Variants in SEMA4D observed in about 807,000 individuals in gnomAD.
The protein encoded by SEMA4D is semaphorin-4D.
A neutral mutation model predicts 74.8 loss-of-function variants in SEMA4D; 22 were observed. That is an observed-to-expected ratio of 0.29 (90% confidence interval 0.21 to 0.42). SEMA4D has a LOEUF of 0.42. SEMA4D is among the 10% of genes least tolerant of loss of function. SEMA4D has a pLI of 1.00. For missense variants in SEMA4D, 937 were observed against 1,118.4 expected (o/e 0.84, Z 2.31); for synonymous variants, 445 against 463.7 (o/e 0.96, Z 0.52).
At position 89,455,934 on chromosome 9, in the gene SEMA4D, C is replaced by A. The variant is rs749613245; in HGVS notation, c.-290G>T. The A allele has an allele frequency of 1.3e-5, 2 of 152,264 alleles. No individual in the cohort carries two copies. The highest frequency in any genetic ancestry group is 2.9e-5 in the Non-Finnish European group (2 of 68,044). 9.4% of individuals were successfully genotyped at this position (152,264 alleles called of 1,614,324 possible). ...CATTTCAGCACATGGTTTCTTTCCA[C>A]TATCTGGTGTTAGCAGAGTCTGAAA... On this transcript the variant is annotated 5_prime_UTR_variant, in exon 2 of 16. Transcript: ENST00000422704.
At chr9:89,393,130 A>G (rs1031417244) in intron 7 of SEMA4D, among the ~76,000 whole-genome samples, 26 of 152,288 alleles carry the variant, frequency 1.7e-4, no homozygotes, top group Middle Eastern at 3.4e-3. Flanking sequence ...GCTGCATTTT[A>G]AGAGTCATGG....
intron 2 of SEMA4D, among the ~76,000 whole-genome samples, chr9:89,436,952 C>T (rs1191842588): frequency 6.6e-6 from 1 of 152,246 alleles, no homozygotes; most frequent in Non-Finnish European, 1.5e-5. Flanking sequence ...GCAGATGTAG[C>T]CCTGGGCAAG....
In SEMA4D at chr9:89,484,368, C is replaced by T. The variant is rs956173914; in HGVS notation, c.-310+13551G>A. On this transcript the variant is annotated intron_variant, in intron 1 of 15. Coordinates refer to ENST00000422704, the MANE Select transcript of SEMA4D (RefSeq NM_001371194.2). This position sits in a 1 kb window ranked among gnomAD's most constrained non-coding sequence, Gnocchi z 4.1. ...TGTGTGTGCTGTGTGTGCTGCGGCA[C>T]GTGCAGCATATGACTGTGTGGTGTT... 5.9e-5 allele frequency among the ~76,000 whole-genome samples: 9 copies of T among 152,124 alleles called. No individual in the cohort carries two copies. Among genetic ancestry groups the T allele is most frequent in the Non-Finnish European group, 1.2e-4 (8 of 68,018 alleles).
chr9:89,391,164 G>A, intron 9 of SEMA4D, 100 bp downstream of exon 9: 1 of 1,191,250 alleles, frequency 8.4e-7, no homozygotes, highest in Non-Finnish European at 1.2e-6. Flanking sequence ...TAAAGTGCTA[G>A]GGAAAGTGAC....
rs1372309489 is a variant in SEMA4D, at chr9:89,450,687, A to AAAAAAAAAAAG, written c.-244+5200_-244+5201insCTTTTTTTTTT. 11 of 982,468 alleles carry AAAAAAAAAAAG rather than the reference A, an allele frequency of 1.1e-5. No homozygotes were observed. The African/African-American group carries it at 1.8e-4, about 16-fold the overall frequency. The allele number at this position is 982,468 out of a possible 1,614,324, so 60.9% of individuals were successfully genotyped here. The stretch of plus-strand genomic sequence containing the variant: ...AAAAAAAAAAAAAAAAAAAAAAAAA[A>AAAAAAAAAAAG]GGCCTCCAAGACTGCAGAGAATGCC... On this transcript the variant is annotated intron_variant, in intron 2 of 15. Coordinates refer to ENST00000422704, the MANE Select transcript of SEMA4D (RefSeq NM_001371194.2).
At chr9:89,395,430 A>AC (rs1840747999) in intron 6 of SEMA4D, among the ~76,000 whole-genome samples, 1 of 152,212 alleles carries the variant, frequency 6.6e-6, no homozygotes, top group Non-Finnish European at 1.5e-5. Context: ...GTCTCAAAAA[A>AC]AAAAAAAAAT....
intron 13 of SEMA4D, chr9:89,384,787 G>A (rs1838049521): frequency 1.0e-6 from 1 of 985,414 alleles, no homozygotes; most frequent in South Asian, 4.7e-5. Context: ...GCTGATCACC[G>A]TGAGAGAGCC....
At chr9:89,419,761 AC>A (rs1053343060) in intron 2 of SEMA4D, among the ~76,000 whole-genome samples, 5 of 150,920 alleles carry the variant, frequency 3.3e-5, no homozygotes, top group Non-Finnish European at 7.4e-5. Flanking sequence ...AAAAAAAAAT[AC>A]AAAAATTAGC....
At chr9:89,376,686 A>T (rs1835831168), downstream of SEMA4D, 2 of 1,209,164 alleles carry the variant, frequency 1.7e-6, no homozygotes, top group South Asian at 3.4e-5. Context: ...TGAAAGCGTG[A>T]AACGGCTCAA....
rs1187595643 is a variant in SEMA4D, at chr9:89,371,311, GGT to G, written c.1882+5520_1882+5521del. The stretch of plus-strand genomic sequence containing the variant: ...GTGACGGTGTGTGTGTCTGGGGTGT[GGT>G]GTGTGTGGGGTTGGTGTGTGTCTGG... On this transcript the variant is annotated intron_variant, in intron 16 of 18. Transcript: ENST00000339861. 4.3e-5 allele frequency among the ~76,000 whole-genome samples: 6 copies of G among 139,896 alleles called. No homozygotes were observed. The East Asian group carries it at 9.0e-4, about 21-fold the overall frequency. The allele number at this position is 139,896 out of a possible 152,430, so 91.8% of individuals were successfully genotyped here.
At chr9:89,388,562 C>A (rs1219529823) in intron 11 of SEMA4D, 74 bp downstream of exon 11, 11 of 1,526,730 alleles carry the variant, frequency 7.2e-6, no homozygotes, top group Non-Finnish European at 9.6e-6. Context: ...TGAGCAGGCC[C>A]CAGTGCCTGT....
chr9:89,469,174 C>A (rs1859521323), intron 1 of SEMA4D, among the ~76,000 whole-genome samples: 1 of 84,306 alleles, frequency 1.2e-5, no homozygotes, highest in Non-Finnish European at 2.8e-5. Context: ...AAAGAGTCAA[C>A]AACTTAGAGG....
At chr9:89,402,810 C>A in intron 4 of SEMA4D, 61 bp downstream of exon 4, 1 of 1,565,800 alleles carries the variant, frequency 6.4e-7, no homozygotes, top group South Asian at 1.1e-5. Context: ...CACAGTGGGG[C>A]CAGGAGAGGC....
At chr9:89,465,731 G>A (rs1419784623) in intron 1 of SEMA4D, among the ~76,000 whole-genome samples, 1 of 152,230 alleles carries the variant, frequency 6.6e-6, no homozygotes, top group Admixed American at 6.5e-5. Context: ...CCAGGAGGCT[G>A]AACCCATTTG....
downstream of SEMA4D, among the ~76,000 whole-genome samples, chr9:89,372,284 G>A (rs1182908523): frequency 3.3e-5 from 4 of 120,652 alleles, no homozygotes; most frequent in Non-Finnish European, 7.1e-5. Flanking sequence ...GTGTGTGTCG[G>A]GGGTGTGTAT....
Position 89,470,167 on chromosome 9 carries a change from G to C in SEMA4D, c.-309-14214C>G, listed in dbSNP as rs559179829. On this transcript the variant is annotated intron_variant, in intron 1 of 15. Transcript: ENST00000422704. ...CATCAAAATTAAAATGTTTGGCTCT[G>C]TGAAAGATGCTGTTAAAAGAATTAA... Among the ~76,000 whole-genome samples the C allele has an allele frequency of 7.9e-5, 12 of 152,302 alleles. No homozygotes were observed. The East Asian group carries it at 1.3e-3, about 17-fold the overall frequency.
intron 2 of SEMA4D, among the ~76,000 whole-genome samples, chr9:89,434,645 G>C (rs1047606259): frequency 2.6e-5 from 4 of 152,172 alleles, no homozygotes; most frequent in Non-Finnish European, 5.9e-5. Flanking sequence ...GAAAATCCAG[G>C]AGAATTTTCC....
chr9:89,447,617 C>G (rs1490583133), intron 2 of SEMA4D, among the ~76,000 whole-genome samples: 1 of 152,182 alleles, frequency 6.6e-6, no homozygotes, highest in Non-Finnish European at 1.5e-5. Context: ...GTGCCCACAC[C>G]AGCACCGCTC....
chr9:89,456,032 C>T (rs1290696318), intron 1 of SEMA4D, 79 bp from the exon 2 acceptor site: 2 of 152,268 alleles, frequency 1.3e-5, no homozygotes, highest in African/African-American at 2.4e-5. Context: ...CACACAATTC[C>T]ATACCCCAAC....
Sources: allele counts gnomAD v4.1 joint callset (sites outside exome capture counted in the v4.1 genomes callset), GRCh38; gene constraint gnomAD v4.1.1; non-coding constraint Gnocchi (gnomAD v3.1); transcripts MANE v1.5; gene names NCBI Gene and HGNC (gene_info 2026-07-23, HGNC 2026-07-21).